The following CYP4B1 variants were observed in gnomAD, a reference collection of about 807,000 sequenced individuals.
CYP4B1 encodes the protein cytochrome P450 4B1.
CYP4B1 carries 45 observed loss-of-function variants against 54.0 expected under a neutral mutation model. That is an observed-to-expected ratio of 0.83 (90% CI 0.66 to 1.07). The LOEUF is 1.07. Ranked by LOEUF, CYP4B1 falls within the 50% of genes least tolerant of loss-of-function variation. The pLI is 0.00. For missense variants in CYP4B1, 656 were observed against 655.4 expected (o/e 1.00, Z -0.01); for synonymous variants, 248 against 247.5 (o/e 1.00, Z -0.02).
intron 1 of CYP4B1, among the ~76,000 whole-genome samples, chr1:46,803,384 C>T (rs190938514): frequency 1.3e-5 from 2 of 152,216 alleles, no homozygotes; most frequent in African/African-American, 2.4e-5. Context: ...TTGAGACCTC[C>T]ACCATAGCCA....
intron 8 of CYP4B1, among the ~76,000 whole-genome samples, chr1:46,815,906 G>C (rs576612688): frequency 6.6e-6 from 1 of 152,262 alleles, no homozygotes; most frequent in East Asian, 1.9e-4. Context: ...TTTGCTTGTG[G>C]TCAGACAACC....
chr1:46,804,548 G>A (rs1678783396), intron 1 of CYP4B1, among the ~76,000 whole-genome samples: 1 of 151,960 alleles, frequency 6.6e-6, no homozygotes, highest in Non-Finnish European at 1.5e-5. Flanking sequence ...TGATGGGTGA[G>A]GTGCCTTGTG....
rs781064413 is a variant in CYP4B1 at position 46,817,052 on chromosome 1, G to T, written c.1078G>T (p.Asp360Tyr). 6.2e-7 allele frequency: 1 copy of T among 1,613,920 alleles called. No individual in the cohort carries two copies. Among genetic ancestry groups the T allele is most frequent in the Non-Finnish European group, 8.5e-7 (1 of 1,179,852 alleles). ...TTCTGGTTGTGTTGCTGGCAGGGAT[G>T]ATCTGGGCAAAATGACTTATCTGAC... ...LGDQDFFQWD[D>Y]LGKMTYLTMC... The change falls in exon 9 of 12, where the codon GAT becomes TAT. Residue 360 changes from aspartate (D) to tyrosine (Y), a missense_variant. By Grantham distance (160) the Asp-to-Tyr change is radical. Coordinates refer to ENST00000371923, the MANE Select transcript of CYP4B1 (RefSeq NM_001099772.2).
intron 1 of CYP4B1, among the ~76,000 whole-genome samples, chr1:46,807,199 G>C (rs1396571426): frequency 6.6e-6 from 1 of 152,188 alleles, no homozygotes; most frequent in Non-Finnish European, 1.5e-5. Flanking sequence ...GCAGTGGCAA[G>C]CTGGCTGCGA....
At chr1:46,800,938 C>A (rs534860432) in intron 1 of CYP4B1, among the ~76,000 whole-genome samples, 1 of 152,262 alleles carries the variant, frequency 6.6e-6, no homozygotes, top group African/African-American at 2.4e-5. Flanking sequence ...AGGTTCCTCC[C>A]CAGGATTCTG....
chr1:46,804,071 G>A (rs1678763122), intron 1 of CYP4B1, among the ~76,000 whole-genome samples: 1 of 152,180 alleles, frequency 6.6e-6, no homozygotes, highest in Non-Finnish European at 1.5e-5. Flanking sequence ...TTGTTGGTAG[G>A]TAGATGGCAC....
chr1:46,808,970 G>A (rs1349634668), intron 1 of CYP4B1, among the ~76,000 whole-genome samples: 3 of 129,148 alleles, frequency 2.3e-5, no homozygotes, highest in African/African-American at 8.9e-5. Context: ...GGACTGTGGT[G>A]GGGTGGGGGG....
intron 11 of CYP4B1, 60 bp downstream of exon 11, chr1:46,818,273 C>G: frequency 6.9e-7 from 1 of 1,448,516 alleles, no homozygotes; most frequent in East Asian, 2.3e-5. Flanking sequence ...TGGATGACAT[C>G]ATAGGGGAGG....
intron 1 of CYP4B1, among the ~76,000 whole-genome samples, chr1:46,800,982 C>G (rs1028732224): frequency 2.0e-5 from 3 of 152,194 alleles, no homozygotes; most frequent in Non-Finnish European, 2.9e-5. Context: ...CAGCACCTGT[C>G]CTGTTGGATT....
chr1:46,802,065 T>C (rs1678682531), intron 1 of CYP4B1, among the ~76,000 whole-genome samples: 1 of 152,200 alleles, frequency 6.6e-6, no homozygotes, highest in East Asian at 1.9e-4. Flanking sequence ...ACATGTCCTA[T>C]TCTTCCAGGG....
chr1:46,799,689 A>G (rs1407566976), intron 1 of CYP4B1, among the ~76,000 whole-genome samples: 1 of 152,244 alleles, frequency 6.6e-6, no homozygotes, highest in African/African-American at 2.4e-5. Flanking sequence ...GCAGGAAATG[A>G]GAGTGAGCAT....
In CYP4B1 at chr1:46,800,245, CCT is replaced by C. The variant is rs1310626470; in HGVS notation, c.180+985_180+986del. ...TCTCTCTTTCTTTCTTTCTTTCCTT[CCT>C]TCCTTCCTTCCTTCCTTCCTTCCTT... is the stretch of plus-strand genomic sequence containing the variant. On this transcript the variant is annotated intron_variant, in intron 1 of 11. Transcript: ENST00000371923. Among the ~76,000 whole-genome samples the C allele has an allele frequency of 3.5e-3, 70 of 19,770 alleles. 2 individuals carry two copies. Among genetic ancestry groups the C allele is most frequent in the African/African-American group, 4.4e-3 (43 of 9,862 alleles). 13.0% of individuals were successfully genotyped at this position (19,770 alleles called of 152,430 possible). A position where few individuals can be genotyped will look rare whatever the true frequency, so the allele number is the denominator to read the frequency against.
chr1:46,804,983 TTTA>T (rs1419356910), intron 1 of CYP4B1, among the ~76,000 whole-genome samples: 12 of 152,228 alleles, frequency 7.9e-5, no homozygotes, highest in Admixed American at 7.2e-4. Flanking sequence ...TTTGATTCTT[TTTA>T]TTTTCTTTCT....
intron 1 of CYP4B1, among the ~76,000 whole-genome samples, chr1:46,802,850 T>C (rs1678715065): frequency 6.6e-6 from 1 of 152,178 alleles, no homozygotes; most frequent in Non-Finnish European, 1.5e-5. Context: ...GAGGTGATGC[T>C]GAGGCACATT....
Position 46,810,845 on chromosome 1 carries a change from G to C in CYP4B1, c.218G>C (p.Trp73Ser), listed in dbSNP as rs752663331. Residue 73 changes from tryptophan to serine, a missense_variant, in exon 2 of 12, where the codon TGG becomes TCG. Coordinates refer to ENST00000371923, the MANE Select transcript of CYP4B1 (RefSeq NM_001099772.2). ...ETGSLDKVVSWAHQFPYAHPL... is the reference protein window; with the variant it reads ...ETGSLDKVVSSAHQFPYAHPL... ...GGGAGCCTGGACAAAGTGGTGTCCT[G>C]GGCCCACCAGTTCCCGTATGCCCAC... 6.2e-7 allele frequency: 1 copy of C among 1,614,116 alleles called. No homozygotes were observed. Among genetic ancestry groups the C allele is most frequent in the East Asian group, 2.2e-5 (1 of 44,874 alleles).
chr1:46,810,446 T>G (rs1446243422), intron 1 of CYP4B1, among the ~76,000 whole-genome samples: 2 of 152,238 alleles, frequency 1.3e-5, no homozygotes, highest in Non-Finnish European at 2.9e-5. Context: ...ATTTCTCTAT[T>G]GCACAATGAG....
intron 1 of CYP4B1, among the ~76,000 whole-genome samples, chr1:46,800,147 T>C: frequency 6.6e-6 from 1 of 152,014 alleles, no homozygotes; most frequent in African/African-American, 2.4e-5. Context: ...TTCCTTTCCC[T>C]TTCCCTTTCT....
At position 46,818,740 on chromosome 1, in the gene CYP4B1, C is replaced by A. The variant is rs779077528; in HGVS notation, c.1465C>A (p.Pro489Thr). The part of the protein sequence containing the change: ...LDPSRLPIKM[P>T]QLVLRSKNGF... ...CCCCTCACGGCTGCCCATCAAGATG[C>A]CCCAGCTTGTCCTGCGCTCCAAGAA... The change falls in exon 12 of 12, where the codon CCC becomes ACC. Residue 489 changes from proline (P) to threonine (T), a missense_variant. Physicochemically the swap from Pro to Thr is conservative, Grantham distance 38. Coordinates refer to ENST00000371923, the MANE Select transcript of CYP4B1 (RefSeq NM_001099772.2). The A allele has an allele frequency of 1.6e-5, 26 of 1,614,050 alleles. No individual in the cohort carries two copies. Among genetic ancestry groups the A allele is most frequent in the Admixed American group, 5.0e-5 (3 of 60,004 alleles).
intron 3 of CYP4B1, chr1:46,812,095 C>G (rs1196679410): frequency 2.2e-6 from 1 of 458,384 alleles, no homozygotes; most frequent in East Asian, 6.7e-5. Flanking sequence ...GTGGGACATT[C>G]CCTAAGTCCT....
Sources: gnomAD v4.1 joint callset for allele counts (sites outside exome capture counted in the v4.1 genomes callset) on GRCh38, gnomAD v4.1.1 for gene constraint, MANE v1.5 for transcripts, NCBI Gene and HGNC (gene_info 2026-07-23, HGNC 2026-07-21) for gene names.